Variants in IFT172 observed in about 807,000 individuals in gnomAD.
IFT172 encodes the protein intraflagellar transport protein 172 homolog.
Under a neutral mutation model 248.9 loss-of-function variants are expected in IFT172, and 164 were observed. The observed-to-expected ratio is 0.66, with a 90% CI of 0.58 to 0.75. The LOEUF (loss-of-function observed/expected upper bound fraction) is 0.75. IFT172 is among the 30% of genes least tolerant of loss of function. The pLI is 0.00. For missense variants in IFT172, 1,950 were observed against 2,192.4 expected, an observed-to-expected ratio of 0.89 and a Z score of 2.21; for synonymous variants, 729 against 791.6, an observed-to-expected ratio of 0.92 and a Z score of 1.33.
At chr2:27,452,739 C>A (rs1665783216) in intron 35 of IFT172, among the ~76,000 whole-genome samples, 1 of 152,208 alleles carries the variant, frequency 6.6e-6, no homozygotes, top group Non-Finnish European at 1.5e-5. Context: ...CTCAAGGGAT[C>A]CACCCACCTC....
chr2:27,446,323 G>A lies in IFT172; in HGVS notation c.4692C>T (p.Leu1564=), dbSNP rs953134859. Residue 1564 remains leucine (L), a synonymous_variant, in exon 43 of 48, where the codon CTC becomes CTT. Transcript: ENST00000260570. ...CAGGTAGTAGCTGGGTGTGACGCAA[G>A]AGTGAAACAGAAAGCCTGGCAGCCA... The part of the protein sequence containing the change: ...ETVAARLSVS[L]LRHTQLLPVD... The A allele has an allele frequency of 6.1e-5, 98 of 1,614,140 alleles. No homozygotes were observed. The highest frequency in any genetic ancestry group is 8.1e-5 in the Non-Finnish European group (96 of 1,180,058).
At position 27,458,762 on chromosome 2, in the gene IFT172, A is replaced by C; in HGVS notation, c.2877+17T>G. On this transcript the variant is annotated intron_variant, in intron 26 of 47. Transcript: ENST00000260570. Reference sequence around the variant, plus strand: ...CTAAGGCAGAGTTCTCTTATCATGAACTCCACCCATCCCTACCTTGTGGGC... The same window carrying C: ...CTAAGGCAGAGTTCTCTTATCATGACCTCCACCCATCCCTACCTTGTGGGC... 1 of 1,612,866 alleles carries C rather than the reference A, an allele frequency of 6.2e-7. No homozygotes were observed. Among genetic ancestry groups the C allele is most frequent in the Non-Finnish European group, 8.5e-7 (1 of 1,179,624 alleles).
At chr2:27,487,083 T>C (rs568650641) in intron 1 of IFT172, among the ~76,000 whole-genome samples, 1 of 151,948 alleles carries the variant, frequency 6.6e-6, no homozygotes, top group South Asian at 2.1e-4. Context: ...GCTGAGGCTA[T>C]AGGCGTGTGC....
rs1433666682 is a variant in IFT172 at position 27,445,105 on chromosome 2, C to G, written c.5069G>C (p.Gly1690Ala). Residue 1690 changes from glycine (G) to alanine (A), a missense_variant and splice_region_variant, in exon 47 of 48, where the codon GGA (glycine) becomes GCA (alanine). Coordinates refer to ENST00000260570, the MANE Select transcript of IFT172 (RefSeq NM_015662.3). This position sits in a 1 kb window ranked among gnomAD's most constrained non-coding sequence, Gnocchi z 4.4. ...GVRALPCLITGYPILRNKIEF... is the reference protein window; with the variant it reads ...GVRALPCLITAYPILRNKIEF... ...AATTTTGTTCCTCAGAATGGGGTAT[C>G]CTGTGGAGGAAGAAAAAATGATGAA... 2 of 1,613,782 alleles carry G rather than the reference C, an allele frequency of 1.2e-6. No individual in the cohort carries two copies. The highest frequency in any genetic ancestry group is 3.3e-5 in the Admixed American group (2 of 59,954).
intron 35 of IFT172, among the ~76,000 whole-genome samples, chr2:27,452,308 T>C (rs1665751614): frequency 6.6e-6 from 1 of 152,200 alleles, no homozygotes; most frequent in Non-Finnish European, 1.5e-5. Flanking sequence ...TCAGCTCTTC[T>C]TGGGTCTCAA....
At chr2:27,462,637 T>C in intron 20 of IFT172, 64 bp downstream of exon 20, 2 of 1,429,876 alleles carry the variant, frequency 1.4e-6, no homozygotes, top group Non-Finnish European at 2.0e-6. Flanking sequence ...CTTGAGTTTG[T>C]ACCCCCTTTT....
At position 27,478,105 on chromosome 2, in the gene IFT172, A is replaced by C; in HGVS notation, c.1057T>G (p.Tyr353Asp). 1 of 1,614,184 alleles carries C rather than the reference A, an allele frequency of 6.2e-7. No homozygotes were observed. The change falls in exon 11 of 48, where the codon TAT becomes GAT. Residue 353 changes from tyrosine (Y) to aspartate (D), a missense_variant. Tyr to Asp is a radical substitution (Grantham distance 160). Coordinates refer to ENST00000260570, the MANE Select transcript of IFT172 (RefSeq NM_015662.3). ...SGTRVVLKSHYGYEVEEVKIL... is the reference protein window; with the variant it reads ...SGTRVVLKSHDGYEVEEVKIL... ...TTCACCTCTTCCACCTCATAGCCAT[A>C]GTGTGACTTGAGCACCACTCGGGTT...
intron 33 of IFT172, 46 bp from the exon 34 acceptor site, chr2:27,453,785 G>T: frequency 1.3e-6 from 2 of 1,541,312 alleles, no homozygotes; most frequent in Non-Finnish European, 1.8e-6. Context: ...AGGCCTGACA[G>T]CTTCCCACTG....
rs1435972299 is a variant in IFT172, at chr2:27,477,228, G to C, written c.1314C>G (p.Pro438=). Residue 438 remains proline (P), a synonymous_variant, in exon 13 of 48, where the codon CCC becomes CCG. Transcript: ENST00000260570. ...LGSVRTEFMN[P]HLISVRINER... The stretch of plus-strand genomic sequence containing the variant: ...TCTTGTGAGGTTACCTGATGAGGTG[G>C]GGGTTCATGAATTCAGTGCGTACAG... The C allele has an allele frequency of 2.5e-6, 4 of 1,613,274 alleles. No individual in the cohort carries two copies. Among genetic ancestry groups the C allele is most frequent in the East Asian group, 4.5e-5 (2 of 44,894 alleles).
At chr2:27,444,958 TTTC>T in intron 47 of IFT172, 53 bp downstream of exon 47, 4 of 1,579,072 alleles carry the variant, frequency 2.5e-6, no homozygotes, top group Non-Finnish European at 3.4e-6. Flanking sequence ...CTTGTTTTTT[TTTC>T]TTTTTTTAGT....
rs928141129 is a variant in IFT172 at position 27,454,929 on chromosome 2, G to A, written c.3372-269C>T. 6.6e-6 allele frequency among the ~76,000 whole-genome samples: 1 copy of A among 152,174 alleles called. No individual in the cohort carries two copies. Among genetic ancestry groups the A allele is most frequent in the Non-Finnish European group, 1.5e-5 (1 of 68,028 alleles). On this transcript the variant is annotated intron_variant, in intron 30 of 47. Transcript: ENST00000260570. The surrounding 1 kb of genome is among the most constrained non-coding windows in gnomAD (Gnocchi z 4.2). Reference sequence around the variant, plus strand: ...CCAGCTGCTCCTGAGGAATTAGTTTGGGCCTGCGAAGGGGAAGGGAGGAGT... The same window carrying A: ...CCAGCTGCTCCTGAGGAATTAGTTTAGGCCTGCGAAGGGGAAGGGAGGAGT...
At chr2:27,488,763 A>AC (rs1446900461) in intron 1 of IFT172, among the ~76,000 whole-genome samples, 3 of 152,208 alleles carry the variant, frequency 2.0e-5, no homozygotes, top group Non-Finnish European at 4.4e-5. Flanking sequence ...GCTCCGAGAC[A>AC]TTGTATAATA....
intron 41 of IFT172, 28 bp downstream of exon 41, chr2:27,447,784 A>ACCGAG: frequency 6.3e-7 from 1 of 1,587,990 alleles, no homozygotes; most frequent in Non-Finnish European, 8.7e-7. Flanking sequence ...GGACAAGGAC[A>ACCGAG]GACGGAGCAG....
intron 42 of IFT172, 121 bp from the exon 43 acceptor site, chr2:27,446,476 T>G: frequency 1.5e-6 from 1 of 673,382 alleles, no homozygotes; most frequent in Non-Finnish European, 2.3e-6. Context: ...TGCTCTGGAT[T>G]CTCAAGCTGT....
intron 30 of IFT172, chr2:27,455,735 G>T: frequency 2.5e-6 from 1 of 400,540 alleles, no homozygotes; most frequent in East Asian, 6.8e-5. Context: ...AAAGAAAAAT[G>T]GCAGAATAAT....
intron 1 of IFT172, among the ~76,000 whole-genome samples, chr2:27,487,118 T>C (rs752631648): frequency 2.0e-5 from 3 of 152,118 alleles, no homozygotes; most frequent in Non-Finnish European, 4.4e-5. Context: ...AATTTTTTTA[T>C]ATTTTTGGTA....
chr2:27,444,950 T>G, intron 47 of IFT172, 64 bp downstream of exon 47: 2 of 1,524,138 alleles, frequency 1.3e-6, no homozygotes, highest in Non-Finnish European at 1.8e-6. Context: ...CACCCAGACT[T>G]GTTTTTTTTT....
intron 42 of IFT172, among the ~76,000 whole-genome samples, chr2:27,447,142 C>T (rs1665211605): frequency 6.6e-6 from 1 of 152,222 alleles, no homozygotes; most frequent in South Asian, 2.1e-4. Flanking sequence ...CACACCCACC[C>T]ACCTAGATTG....
intron 40 of IFT172, among the ~76,000 whole-genome samples, 177 bp from the exon 41 acceptor site, chr2:27,448,099 TTTTA>T (rs1665326355): frequency 6.6e-6 from 1 of 151,946 alleles, no homozygotes; most frequent in African/African-American, 2.4e-5. Flanking sequence ...ATTTTTTTAA[TTTTA>T]TTTATTTATT....
Sources: gnomAD v4.1 joint callset for allele counts (sites outside exome capture counted in the v4.1 genomes callset) on GRCh38, gnomAD v4.1.1 for gene constraint, Gnocchi (gnomAD v3.1) non-coding constraint, MANE v1.5 for transcripts, NCBI Gene and HGNC (gene_info 2026-07-23, HGNC 2026-07-21) for gene names.